The following PLCH2 variants were observed in gnomAD, a reference collection of about 807,000 sequenced individuals.
The protein encoded by PLCH2 is 1-phosphatidylinositol 4,5-bisphosphate phosphodiesterase eta-2.
In PLCH2, 98 loss-of-function variants were observed where a neutral mutation model predicts 134.7. The observed-to-expected ratio is 0.73, with a 90% CI of 0.62 to 0.86. The LOEUF is 0.86. Among genes scored for constraint, PLCH2 ranks in the 40% least tolerant of loss-of-function variants. The pLI is 0.00. For missense variants in PLCH2, 1,994 were observed against 1,986.6 expected (o/e 1.00, Z -0.07); for synonymous variants, 974 against 827.5 (o/e 1.18, Z -3.04).
upstream of PLCH2, among the ~76,000 whole-genome samples, chr1:2,463,901 G>A (rs1308153727): frequency 2.6e-5 from 4 of 152,252 alleles, no homozygotes; most frequent in African/African-American, 9.6e-5. Context: ...ACTCCCATGG[G>A]GCACACAGAG....
intron 20 of PLCH2, chr1:2,500,129 G>A (rs925535627): frequency 4.3e-5 from 9 of 210,238 alleles, no homozygotes; most frequent in African/African-American, 1.6e-4. Context: ...CTGGTGTCAC[G>A]TGGAAGGCAG....
rs1557969983 is a variant in PLCH2 at position 2,459,535 on chromosome 1, TCCTGGTGG to T, written c.116-18940_116-18933del. ...GGTCCTCCTTCCTGGTGGTCCTCCT[TCCTGGTGG>T]TCCTCCTTCCTGGTGGTCCTCCTTG... On this transcript the variant is annotated intron_variant, in intron 2 of 3. Transcript: ENST00000609981. Among the ~76,000 whole-genome samples the T allele has an allele frequency of 4.5e-4, 62 of 139,034 alleles. 6 individuals are homozygous for T. The highest frequency in any genetic ancestry group is 1.6e-3 in the African/African-American group (59 of 36,616). 91.2% of individuals were successfully genotyped at this position (139,034 alleles called of 152,430 possible).
chr1:2,443,653 C>G (rs1402753973), intron 2 of PLCH2, among the ~76,000 whole-genome samples: 1 of 150,000 alleles, frequency 6.7e-6, no homozygotes, highest in Non-Finnish European at 1.5e-5. Context: ...CGATCTGCCT[C>G]CAGCCCGGTG....
chr1:2,433,010 C>A (rs1570224416), intron 2 of PLCH2, among the ~76,000 whole-genome samples: 1 of 152,244 alleles, frequency 6.6e-6, no homozygotes, highest in Non-Finnish European at 1.5e-5. Context: ...CAAGTGCCCA[C>A]CCTTTGCCCC....
chr1:2,487,053 C>CG (rs1642324558), intron 6 of PLCH2, 53 bp downstream of exon 6: 1 of 1,531,840 alleles, frequency 6.5e-7, no homozygotes, highest in Admixed American at 1.9e-5. Flanking sequence ...GGAGGGGCAA[C>CG]GAGGGCCCAA....
upstream of PLCH2, among the ~76,000 whole-genome samples, chr1:2,474,439 A>G (rs975199227): frequency 2.0e-5 from 3 of 152,156 alleles, no homozygotes; most frequent in African/African-American, 7.2e-5. Context: ...TGAGGATTCC[A>G]GCTCTGCTGC....
chr1:2,504,168 AGAGG>A lies in PLCH2; in HGVS notation c.3208_3211del (p.Arg1070ProfsTer20), dbSNP rs1236447103. On this transcript the variant is annotated frameshift_variant, in exon 22 of 22. Coordinates refer to ENST00000378486, the MANE Select transcript of PLCH2 (RefSeq NM_014638.4). LOFTEE classifies it high-confidence loss of function. ...GGCGAGGGCGCCGGCGGGGCATACG[AGAGG>A]GCCCCCGGCAGCCAGACGGACGGCA... 1 of 1,530,718 alleles carries A rather than the reference AGAGG, an allele frequency of 6.5e-7. No individual in the cohort carries two copies. Among genetic ancestry groups the A allele is most frequent in the East Asian group, 2.4e-5 (1 of 40,838 alleles). The allele number at this position is 1,530,718 out of a possible 1,614,324, so 94.8% of individuals were successfully genotyped here.
chr1:2,454,297 C>T (rs1640382569), intron 2 of PLCH2, among the ~76,000 whole-genome samples: 1 of 152,202 alleles, frequency 6.6e-6, no homozygotes, highest in African/African-American at 2.4e-5. Context: ...CCGACTCACC[C>T]TGACACGTGG....
At chr1:2,453,332 C>T (rs547307971) in intron 2 of PLCH2, among the ~76,000 whole-genome samples, 14 of 152,214 alleles carry the variant, frequency 9.2e-5, no homozygotes, top group South Asian at 6.2e-4. Context: ...GTTTCCAGTC[C>T]GCCCTGTTAT....
rs775113286 is a variant in PLCH2, at chr1:2,505,222, G to A, written c.*9G>A. The A allele has an allele frequency of 6.4e-7, 1 of 1,563,178 alleles. No homozygotes were observed. Among genetic ancestry groups the A allele is most frequent in the South Asian group, 1.2e-5 (1 of 86,212 alleles). ...TCCTGCTCCGCCTCTGACCGTCAGT[G>A]GTGGGAACCTGGGCGGCTCTGGAGG... On this transcript the variant is annotated 3_prime_UTR_variant, in exon 22 of 22. Transcript: ENST00000378486.
intron 11 of PLCH2, chr1:2,494,570 A>G (rs1642769433): frequency 5.5e-6 from 3 of 549,232 alleles, no homozygotes; most frequent in East Asian, 3.1e-5. Flanking sequence ...AAAACAACAC[A>G]TGAGAGACGC....
chr1:2,451,752 C>T (rs1570303770), intron 2 of PLCH2, among the ~76,000 whole-genome samples: 1 of 152,156 alleles, frequency 6.6e-6, no homozygotes, highest in South Asian at 2.1e-4. Context: ...GGCTGGGCAG[C>T]GAGTTGGCCC....
chr1:2,479,712 G>C, intron 2 of PLCH2, 22 bp from the exon 3 acceptor site: 1 of 1,524,662 alleles, frequency 6.6e-7, no homozygotes, highest in Non-Finnish European at 8.9e-7. Context: ...GACCTGACCC[G>C]TGCTCCCTCC....
chr1:2,430,930 TG>T (rs558377351), intron 2 of PLCH2, among the ~76,000 whole-genome samples: 3 of 152,138 alleles, frequency 2.0e-5, no homozygotes, highest in East Asian at 1.9e-4. Context: ...CCTGCTGCAC[TG>T]GGGGGGTCTG....
chr1:2,428,648 G>A (rs965219128), intron 1 of PLCH2, among the ~76,000 whole-genome samples: 4 of 152,276 alleles, frequency 2.6e-5, no homozygotes, highest in African/African-American at 4.8e-5. Flanking sequence ...CCCTTGCGCC[G>A]GCAGACGTGT....
At chr1:2,455,679 C>T (rs1014928187) in intron 2 of PLCH2, among the ~76,000 whole-genome samples, 4 of 152,130 alleles carry the variant, frequency 2.6e-5, no homozygotes, top group Admixed American at 6.5e-5. Context: ...TTCAGAGGAG[C>T]GGCCCCAGGG....
chr1:2,499,910 G>GC, intron 20 of PLCH2, 190 bp downstream of exon 20: 1 of 624,230 alleles, frequency 1.6e-6, no homozygotes, highest in East Asian at 2.7e-5. Context: ...AGCCACCAGT[G>GC]CCCACCTCTG....
At position 2,504,670 on chromosome 1, in the gene PLCH2, C is replaced by A. The variant is rs371410447; in HGVS notation, c.3708C>A (p.Pro1236=). The A allele has an allele frequency of 8.3e-5, 134 of 1,612,502 alleles. 1 individual carries two copies. The highest frequency in any genetic ancestry group is 1.1e-4 in the Non-Finnish European group (127 of 1,179,802). ...TGGCTGGCCTCCCCTTCCGGCCTCCCTGGGGCTGCCTTTCCCTGGTGGGCG... is the reference window on the plus strand; with the variant it reads ...TGGCTGGCCTCCCCTTCCGGCCTCCATGGGGCTGCCTTTCCCTGGTGGGCG... The part of the protein sequence containing the change: ...PRMAGLPFRP[P]WGCLSLVGVQ... The change falls in exon 22 of 22, where the codon CCC becomes CCA. Residue 1236 remains proline, a synonymous_variant. Transcript: ENST00000378486.
At chr1:2,473,511 C>T (rs946469866), upstream of PLCH2, among the ~76,000 whole-genome samples, 3 of 152,214 alleles carry the variant, frequency 2.0e-5, no homozygotes, top group African/African-American at 7.2e-5. Context: ...CTGAAGCCGG[C>T]CAGACCCTTG....
Sources: allele counts gnomAD v4.1 joint callset (sites outside exome capture counted in the v4.1 genomes callset), GRCh38; gene constraint gnomAD v4.1.1; transcripts MANE v1.5; gene names NCBI Gene and HGNC (gene_info 2026-07-23, HGNC 2026-07-21).